The following TET3 variants were observed in gnomAD, a reference collection of about 807,000 sequenced individuals.
TET3 encodes the protein tet methylcytosine dioxygenase 3, also known as methylcytosine dioxygenase TET3.
In TET3, 19 loss-of-function variants were observed where a neutral mutation model predicts 141.4. The observed-to-expected ratio is 0.13, with a 90% CI of 0.09 to 0.20. The LOEUF (loss-of-function observed/expected upper bound fraction) is 0.20. TET3 is among the 10% of genes least tolerant of loss of function. The pLI, the probability that TET3 is intolerant of heterozygous loss-of-function variation, is 1.00. For synonymous variants in TET3, 1,043 were observed against 980.9 expected (o/e 1.06, Z -1.18); for missense variants, 1,874 against 2,356.9 (o/e 0.80, Z 4.24).
intron 8 of TET3, among the ~76,000 whole-genome samples, chr2:74,092,282 C>A (rs550231314): frequency 6.6e-6 from 1 of 152,158 alleles, no homozygotes; most frequent in South Asian, 2.1e-4. Context: ...GCCTGGGTGA[C>A]AGAGTGAGCC....
At chr2:74,112,299 T>C (rs1335509606), downstream of TET3, among the ~76,000 whole-genome samples, 1 of 152,132 alleles carries the variant, frequency 6.6e-6, no homozygotes, top group Non-Finnish European at 1.5e-5. Flanking sequence ...CTCTCAAATA[T>C]GAAGGGTCTT....
chr2:74,084,721 G>A (rs1690023960), intron 6 of TET3, among the ~76,000 whole-genome samples: 1 of 152,122 alleles, frequency 6.6e-6, no homozygotes, highest in Non-Finnish European at 1.5e-5. Flanking sequence ...CCAAAGTGCT[G>A]GGATTACAGG....
intron 4 of TET3, among the ~76,000 whole-genome samples, chr2:74,056,367 A>C (rs1688213913): frequency 6.6e-6 from 1 of 152,346 alleles, no homozygotes; most frequent in African/African-American, 2.4e-5. Flanking sequence ...TTCTCTCCCC[A>C]GCCTAGAGCA....
chr2:74,113,857 T>C, the TET3 span, among the ~76,000 whole-genome samples: 2 of 151,986 alleles, frequency 1.3e-5, no homozygotes, highest in Non-Finnish European at 2.9e-5. Flanking sequence ...AAAATTCATA[T>C]TATTAACATA....
At position 74,093,010 on chromosome 2, in the gene TET3, T is replaced by C; in HGVS notation, c.3129+19T>C. Reference sequence around the variant, plus strand: ...GAACCAGGTAACGGGCCCTGGGCCTTTTGCTGCCCACATGTCACCGTCCAC... The same window carrying C: ...GAACCAGGTAACGGGCCCTGGGCCTCTTGCTGCCCACATGTCACCGTCCAC... On this transcript the variant is annotated intron_variant, in intron 9 of 11. Coordinates refer to ENST00000409262, the MANE Select transcript of TET3 (RefSeq NM_001287491.2). This position sits in a 1 kb window ranked among gnomAD's most constrained non-coding sequence, Gnocchi z 4.2. 6.4e-7 allele frequency: 1 copy of C among 1,554,670 alleles called. No individual in the cohort carries two copies. The highest frequency in any genetic ancestry group is 8.7e-7 in the Non-Finnish European group (1 of 1,148,208).
rs928757589 is a variant in TET3, at chr2:74,075,084, A to G, written c.2585+1445A>G. Among the ~76,000 whole-genome samples the G allele has an allele frequency of 8.6e-5, 13 of 152,040 alleles. No individual in the cohort carries two copies. The South Asian group carries it at 2.1e-3, about 24-fold the overall frequency. On this transcript the variant is annotated intron_variant, in intron 5 of 11. Transcript: ENST00000409262. ...ATGGGGTTTCACCGTGTTAGCCAGG[A>G]TGGTCTCGATCTCCTGACCTTGTGA...
intron 3 of TET3, among the ~76,000 whole-genome samples, chr2:74,037,122 A>T (rs1310700914): frequency 6.6e-6 from 1 of 152,214 alleles, no homozygotes; most frequent in East Asian, 1.9e-4. Context: ...GAGGGTGCAG[A>T]CATGGGACTG....
At chr2:74,126,500 A>ATTTTTT in the TET3 span, among the ~76,000 whole-genome samples, 30 of 120,962 alleles carry the variant, frequency 2.5e-4, no homozygotes, top group African/African-American at 6.9e-4. Context: ...TATTTGCTGG[A>ATTTTTT]TTTTTTTTTT....
rs1691442761 is a variant in TET3 at position 74,105,511 on chromosome 2, T to C, written c.*3335T>C. 1 of 398,014 alleles carries C rather than the reference T, an allele frequency of 2.5e-6. No homozygotes were observed. Among genetic ancestry groups the C allele is most frequent in the Non-Finnish European group, 4.4e-6 (1 of 225,924 alleles). 24.7% of individuals were successfully genotyped at this position (398,014 alleles called of 1,614,324 possible). ...GATTTGGGGGTCTTTCGGTTTTTGGTTTTGGGTCTGGCTTTTAGCAGGGCC... is the reference window on the plus strand; with the variant it reads ...GATTTGGGGGTCTTTCGGTTTTTGGCTTTGGGTCTGGCTTTTAGCAGGGCC... On this transcript the variant is annotated 3_prime_UTR_variant, in exon 12 of 12. Coordinates refer to ENST00000409262, the MANE Select transcript of TET3 (RefSeq NM_001287491.2).
intron 3 of TET3, among the ~76,000 whole-genome samples, chr2:74,025,054 TC>T (rs1199821752): frequency 6.6e-6 from 1 of 151,474 alleles, no homozygotes; most frequent in African/African-American, 2.4e-5. Flanking sequence ...AAACCCCGTC[TC>T]TACTAAAAAT....
chr2:74,115,129 T>C, the TET3 span, among the ~76,000 whole-genome samples: 2 of 152,238 alleles, frequency 1.3e-5, no homozygotes, highest in East Asian at 3.9e-4. Context: ...TAAAAGCTTC[T>C]GCACAGTAAA....
intron 4 of TET3, among the ~76,000 whole-genome samples, chr2:74,050,767 G>T (rs531017167): frequency 6.6e-6 from 1 of 152,066 alleles, no homozygotes; most frequent in African/African-American, 2.4e-5. Context: ...GCCCAGGCTT[G>T]TCTCAAACTC....
At chr2:74,034,261 G>C (rs1254200980) in intron 3 of TET3, among the ~76,000 whole-genome samples, 1 of 143,824 alleles carries the variant, frequency 7.0e-6, no homozygotes, top group Non-Finnish European at 1.5e-5. Context: ...TTTTTTTTAT[G>C]TATTACTTGA....
At chr2:74,017,008 A>G (rs1004514661) in intron 3 of TET3, among the ~76,000 whole-genome samples, 1 of 151,996 alleles carries the variant, frequency 6.6e-6, no homozygotes, top group African/African-American at 2.4e-5. Context: ...ACAATAAACC[A>G]AGCACAGTGG....
the TET3 span, among the ~76,000 whole-genome samples, chr2:74,125,835 G>A: frequency 1.3e-5 from 2 of 152,006 alleles, no homozygotes; most frequent in Non-Finnish European, 2.9e-5. Flanking sequence ...ATGCCCAGCT[G>A]AATGTTATAC....
intron 3 of TET3, among the ~76,000 whole-genome samples, chr2:74,008,342 C>G (rs529908004): frequency 6.6e-6 from 1 of 152,172 alleles, no homozygotes; most frequent in African/African-American, 2.4e-5. Flanking sequence ...GATGGAGGCC[C>G]GTCAGAGCCC....
chr2:74,086,230 C>T (rs1295243164), intron 6 of TET3, among the ~76,000 whole-genome samples: 1 of 152,186 alleles, frequency 6.6e-6, no homozygotes, highest in Non-Finnish European at 1.5e-5. Context: ...CATTCTCTGG[C>T]AATTTTCAGC....
rs369250632 is a variant in TET3, at chr2:74,047,700, G to A, written c.1783G>A (p.Ala595Thr). 1 of 1,613,380 alleles carries A rather than the reference G, an allele frequency of 6.2e-7. No individual in the cohort carries two copies. The change falls in exon 4 of 12, where the codon GCT becomes ACT. Residue 595 changes from alanine (A) to threonine (T), a missense_variant. By Grantham distance (58) the Ala-to-Thr change is moderately conservative. This residue lies in a region of TET3 where 484 missense variants were observed against 462.2 expected (regional missense o/e 1.05). Transcript: ENST00000409262. ...PAGGPVGTEK[A>T]APGIKPSVRK... ...TGGAGGTCCCGTGGGAACGGAGAAA[G>A]CTGCCCCTGGGATCAAGCCCAGTGT...
chr2:74,056,809 A>G (rs544049897), intron 4 of TET3, among the ~76,000 whole-genome samples: 10 of 152,358 alleles, frequency 6.6e-5, no homozygotes, highest in African/African-American at 9.6e-5. Flanking sequence ...AATAGCCCCA[A>G]TCTTCAACCA....
Sources: gnomAD v4.1 joint callset for allele counts (sites outside exome capture counted in the v4.1 genomes callset) on GRCh38, gnomAD v4.1.1 for gene constraint, gnomAD v4.1.1 regional missense constraint, Gnocchi (gnomAD v3.1) non-coding constraint, MANE v1.5 for transcripts, NCBI Gene and HGNC (gene_info 2026-07-23, HGNC 2026-07-21) for gene names.